The following SPOCK3 variants were observed in gnomAD, a reference collection of about 807,000 sequenced individuals.
The protein encoded by SPOCK3 is testican-3.
In SPOCK3, 30 loss-of-function variants were observed where a neutral mutation model predicts 56.6. The observed-to-expected ratio is 0.53, with a 90% CI of 0.40 to 0.72. The LOEUF is 0.72. Among genes scored for constraint, SPOCK3 ranks in the 30% least tolerant of loss-of-function variants. The pLI is 0.00. For missense variants in SPOCK3, 527 were observed against 530.0 expected, an observed-to-expected ratio of 0.99 and a Z score of 0.06; for synonymous variants, 196 against 183.3, an observed-to-expected ratio of 1.07 and a Z score of -0.56.
intron 6 of SPOCK3, among the ~76,000 whole-genome samples, chr4:166,841,744 C>T (rs1747370349): frequency 1.3e-5 from 2 of 152,242 alleles, no homozygotes; most frequent in South Asian, 4.1e-4. Context: ...TTCTCCAACA[C>T]TCCTACCTCC....
At chr4:166,875,210 C>G (rs543124013) in intron 6 of SPOCK3, among the ~76,000 whole-genome samples, 1 of 152,086 alleles carries the variant, frequency 6.6e-6, no homozygotes, top group African/African-American at 2.4e-5. Context: ...AAATAAGAAG[C>G]TGAAACTATG....
chr4:167,116,745 T>C (rs1036741819), intron 2 of SPOCK3, among the ~76,000 whole-genome samples: 1 of 134,762 alleles, frequency 7.4e-6, no homozygotes, highest in African/African-American at 2.6e-5. Flanking sequence ...ATATAGTATA[T>C]ATACATATGT....
At chr4:167,202,183 C>T (rs1179361759) in intron 2 of SPOCK3, among the ~76,000 whole-genome samples, 1 of 151,928 alleles carries the variant, frequency 6.6e-6, no homozygotes, top group Non-Finnish European at 1.5e-5. Flanking sequence ...CTCTTAGATG[C>T]CATGTCCTGC....
At chr4:166,872,246 A>G (rs1732566726) in intron 6 of SPOCK3, among the ~76,000 whole-genome samples, 1 of 152,128 alleles carries the variant, frequency 6.6e-6, no homozygotes. Flanking sequence ...GAAGGTAGAA[A>G]GTATACATAT....
At chr4:167,029,468 G>A (rs1752053526) in intron 3 of SPOCK3, among the ~76,000 whole-genome samples, 1 of 151,844 alleles carries the variant, frequency 6.6e-6, no homozygotes, top group Non-Finnish European at 1.5e-5. Context: ...TTTTTTAGAA[G>A]GGGACTAAGG....
At position 166,739,962 on chromosome 4, in the gene SPOCK3, A is replaced by C. The variant is rs369141010; in HGVS notation, c.994+2035T>G. Reference sequence around the variant, plus strand: ...CTTCAGAACGCTTTCTATGGATTAAAGGCCAGAAAAAATAAGGAAAAAATT... The same window carrying C: ...CTTCAGAACGCTTTCTATGGATTAACGGCCAGAAAAAATAAGGAAAAAATT... On this transcript the variant is annotated intron_variant, in intron 9 of 10. Transcript: ENST00000357545. Among the ~76,000 whole-genome samples, 11 of 152,278 alleles carry C rather than the reference A, an allele frequency of 7.2e-5. No individual in the cohort carries two copies. The South Asian group carries it at 1.4e-3, about 20-fold the overall frequency.
intron 6 of SPOCK3, among the ~76,000 whole-genome samples, chr4:166,819,981 C>T (rs1744761022): frequency 2.0e-5 from 3 of 151,978 alleles, no homozygotes; most frequent in South Asian, 4.1e-4. Context: ...CTCACCCACC[C>T]CCAAATGCTG....
chr4:166,941,786 G>A lies in SPOCK3; in HGVS notation c.351-29043C>T, dbSNP rs139982360. ...CTGCCACGGTGTGAGTAGTCCTGTA[G>A]TGAGTTCCCGGGGCATAGTAAGAAC... On this transcript the variant is annotated intron_variant, in intron 4 of 10. Transcript: ENST00000357545. 4.5e-4 allele frequency among the ~76,000 whole-genome samples: 68 copies of A among 152,292 alleles called. No homozygotes were observed. In the East Asian group the frequency reaches 0.013, roughly 29 times the overall value.
At chr4:166,933,763 C>T (rs2150001717) in intron 4 of SPOCK3, among the ~76,000 whole-genome samples, 1 of 152,152 alleles carries the variant, frequency 6.6e-6, no homozygotes, top group South Asian at 2.1e-4. Context: ...ATAATGTTTC[C>T]CTCTAGAGTA....
chr4:166,953,072 A>T (rs1239086949), intron 4 of SPOCK3, among the ~76,000 whole-genome samples: 1 of 151,952 alleles, frequency 6.6e-6, no homozygotes, highest in African/African-American at 2.4e-5. Context: ...ACAAAAGCCA[A>T]AATTGACAAA....
rs17703178 is a variant in SPOCK3, at chr4:167,129,721, G to A, written c.190-67184C>T. Among the ~76,000 whole-genome samples the A allele has an allele frequency of 4.0e-3, 609 of 152,074 alleles. 12 individuals are homozygous for A. The East Asian group carries it at 0.059, about 15-fold the overall frequency. On this transcript the variant is annotated intron_variant, in intron 2 of 10. Coordinates refer to ENST00000357545, the MANE Select transcript of SPOCK3 (RefSeq NM_001040159.2). ...CTTAAACCTATGGACTTGAGAATAC[G>A]TAAATTTAGAAGCTTGTATTTCACA...
chr4:167,003,723 C>G (rs911521935), intron 3 of SPOCK3, among the ~76,000 whole-genome samples: 1 of 152,192 alleles, frequency 6.6e-6, no homozygotes. Context: ...TGGCTATATT[C>G]TTTTCTTCAT....
At chr4:167,023,066 A>G (rs916910297) in intron 3 of SPOCK3, among the ~76,000 whole-genome samples, 1 of 152,016 alleles carries the variant, frequency 6.6e-6, no homozygotes, top group African/African-American at 2.4e-5. Context: ...GACTATGCAC[A>G]GGAATTTTTT....
intron 7 of SPOCK3, among the ~76,000 whole-genome samples, chr4:166,762,579 T>G (rs933495840): frequency 6.6e-6 from 1 of 152,084 alleles, no homozygotes. Context: ...GTTTGGAGGA[T>G]GCAGAAGTAG....
intron 7 of SPOCK3, among the ~76,000 whole-genome samples, chr4:166,770,741 A>C (rs1280745427): frequency 6.6e-6 from 1 of 152,148 alleles, no homozygotes; most frequent in Non-Finnish European, 1.5e-5. Flanking sequence ...AGACCAGACA[A>C]AAATGTCAAA....
At chr4:167,107,470 A>C (rs1760265042) in intron 2 of SPOCK3, among the ~76,000 whole-genome samples, 1 of 151,944 alleles carries the variant, frequency 6.6e-6, no homozygotes, top group South Asian at 2.1e-4. Flanking sequence ...AAAAACCTGC[A>C]AAAAATGGTG....
chr4:166,878,666 T>C (rs187560943), intron 6 of SPOCK3, among the ~76,000 whole-genome samples: 18 of 152,246 alleles, frequency 1.2e-4, no homozygotes, highest in African/African-American at 3.6e-4. Context: ...ATTTCACACA[T>C]ATCACCAAAA....
chr4:166,753,595 C>A (rs1426609590), intron 8 of SPOCK3, among the ~76,000 whole-genome samples: 1 of 151,842 alleles, frequency 6.6e-6, no homozygotes, highest in Non-Finnish European at 1.5e-5. Flanking sequence ...AATAAACTAC[C>A]CCATATAATG....
At chr4:166,918,388 C>T (rs558769271) in intron 4 of SPOCK3, 2 of 152,182 alleles carry the variant, frequency 1.3e-5, no homozygotes, top group African/African-American at 4.8e-5. Context: ...AAAAAGTATT[C>T]TGTCAGCCTC....
Sources: allele counts gnomAD v4.1 joint callset (sites outside exome capture counted in the v4.1 genomes callset), GRCh38; gene constraint gnomAD v4.1.1; transcripts MANE v1.5; gene names NCBI Gene and HGNC (gene_info 2026-07-23, HGNC 2026-07-21).